Variants in PLCL1 observed in about 807,000 individuals in gnomAD.
The protein encoded by PLCL1 is phospholipase C like 1 (inactive).
Under a neutral mutation model 84.4 loss-of-function variants are expected in PLCL1, and 41 were observed. That is an observed-to-expected ratio of 0.49 (90% CI 0.38 to 0.63). The LOEUF is 0.63. PLCL1 is among the 30% of genes least tolerant of loss of function. The pLI, the probability that PLCL1 is intolerant of heterozygous loss-of-function variation, is 0.00. For synonymous variants in PLCL1, 490 were observed against 488.3 expected, an observed-to-expected ratio of 1.00 and a Z score of -0.05; for missense variants, 1,206 against 1,367.8, an observed-to-expected ratio of 0.88 and a Z score of 1.87.
intron 1 of PLCL1, among the ~76,000 whole-genome samples, chr2:197,893,479 T>C (rs1289789220): frequency 6.6e-6 from 1 of 152,212 alleles, no homozygotes; most frequent in Non-Finnish European, 1.5e-5. Flanking sequence ...TATAGCACGT[T>C]AGGGTTTATT....
At chr2:198,029,501 C>A (rs1691354932) in intron 1 of PLCL1, among the ~76,000 whole-genome samples, 2 of 152,030 alleles carry the variant, frequency 1.3e-5, no homozygotes, top group African/African-American at 2.4e-5. Context: ...TATCTCTATA[C>A]CCCGAAGAAC....
chr2:197,832,530 A>T (rs892442916), intron 1 of PLCL1, among the ~76,000 whole-genome samples: 3 of 152,232 alleles, frequency 2.0e-5, no homozygotes, highest in African/African-American at 7.2e-5. Flanking sequence ...AACCAAAAAA[A>T]GCCTAGCACC....
intron 1 of PLCL1, among the ~76,000 whole-genome samples, chr2:197,881,535 G>A (rs2217837): frequency 0.51 from 77,462 of 151,798 alleles, 20,586 homozygotes; most frequent in African/African-American, 0.64. Flanking sequence ...GTGTGTGTGT[G>A]TGTGAGCTAG....
chr2:197,961,667 G>A (rs1475738885), intron 1 of PLCL1, among the ~76,000 whole-genome samples: 1 of 151,856 alleles, frequency 6.6e-6, no homozygotes, highest in African/African-American at 2.4e-5. Context: ...GACAAAATAA[G>A]CTTAGGTCCT....
At chr2:197,838,866 AT>A (rs1349284095) in intron 1 of PLCL1, among the ~76,000 whole-genome samples, 5 of 152,186 alleles carry the variant, frequency 3.3e-5, no homozygotes, top group Non-Finnish European at 5.9e-5. Context: ...TTTCTCTCTG[AT>A]TTATCTAAAG....
chr2:197,973,262 T>G (rs1406065611), intron 1 of PLCL1, among the ~76,000 whole-genome samples: 2 of 152,224 alleles, frequency 1.3e-5, no homozygotes, highest in Non-Finnish European at 2.9e-5. Flanking sequence ...TACCACCGTC[T>G]TTCCTTATGG....
At chr2:197,977,803 T>G (rs1690018221) in intron 1 of PLCL1, among the ~76,000 whole-genome samples, 1 of 152,222 alleles carries the variant, frequency 6.6e-6, no homozygotes, top group African/African-American at 2.4e-5. Context: ...TCAGTTTTAA[T>G]TTCCATTATT....
intron 1 of PLCL1, among the ~76,000 whole-genome samples, chr2:198,020,425 TAAAAG>T (rs1691104657): frequency 6.6e-6 from 1 of 152,076 alleles, no homozygotes; most frequent in South Asian, 2.1e-4. Context: ...ATGCCCCAAT[TAAAAG>T]ACACAGACTG....
intron 1 of PLCL1, among the ~76,000 whole-genome samples, chr2:197,925,989 CA>C (rs935599513): frequency 1.1e-4 from 16 of 152,290 alleles, no homozygotes; most frequent in African/African-American, 3.8e-4. Context: ...TCCTTCTATT[CA>C]AACCATGTTT....
intron 5 of PLCL1, among the ~76,000 whole-genome samples, chr2:198,120,151 G>C (rs1291417260): frequency 2.0e-5 from 3 of 151,850 alleles, no homozygotes; most frequent in Non-Finnish European, 2.9e-5. Context: ...AACCTCTGGG[G>C]AGTTTCATTT....
intron 4 of PLCL1, among the ~76,000 whole-genome samples, chr2:198,103,049 G>A (rs1399398796): frequency 6.6e-6 from 1 of 151,982 alleles, no homozygotes; most frequent in Non-Finnish European, 1.5e-5. Flanking sequence ...TTTTAAAAAA[G>A]CCTTTTTATT....
intron 1 of PLCL1, among the ~76,000 whole-genome samples, chr2:197,943,530 A>G (rs1689206765): frequency 6.6e-6 from 1 of 151,286 alleles, no homozygotes; most frequent in Admixed American, 6.6e-5. Flanking sequence ...TTTCTATAGG[A>G]TATGTTAGGA....
chr2:198,014,377 G>A (rs190740579), intron 1 of PLCL1, among the ~76,000 whole-genome samples: 85 of 152,170 alleles, frequency 5.6e-4, no homozygotes, highest in African/African-American at 2.0e-3. Context: ...ATCAATGTGA[G>A]CTTGGTCAAG....
intron 1 of PLCL1, among the ~76,000 whole-genome samples, chr2:197,827,365 A>T (rs1011910271): frequency 6.6e-5 from 10 of 152,064 alleles, no homozygotes; most frequent in African/African-American, 2.4e-4. Context: ...TATGCATATA[A>T]ATATATATGT....
intron 1 of PLCL1, among the ~76,000 whole-genome samples, chr2:198,055,329 C>CTCTCTCTCTCTGTG (rs374518934): frequency 2.8e-4 from 31 of 112,346 alleles, no homozygotes; most frequent in East Asian, 2.0e-3. Context: ...CTCTCTCTCT[C>CTCTCTCTCTCTGTG]TGTGTGTGTG....
At position 198,147,794 on chromosome 2, in the gene PLCL1, C is replaced by T. The variant is rs779535723; in HGVS notation, c.*832C>T. The T allele has an allele frequency of 5.3e-5, 8 of 152,300 alleles. No individual in the cohort carries two copies. In the South Asian group the frequency reaches 1.7e-3, roughly 32 times the overall value. The allele number at this position is 152,300 out of a possible 1,614,324, so 9.4% of individuals were successfully genotyped here. ...TGACAATAATATTGTTGTATAATTTCGAGATTTGTAGGAAGGTCTCATTCT... is the reference window on the plus strand; with the variant it reads ...TGACAATAATATTGTTGTATAATTTTGAGATTTGTAGGAAGGTCTCATTCT... On this transcript the variant is annotated 3_prime_UTR_variant, in exon 6 of 6. Coordinates refer to ENST00000428675, the MANE Select transcript of PLCL1 (RefSeq NM_006226.4).
chr2:197,977,389 T>A (rs143685709), intron 1 of PLCL1, among the ~76,000 whole-genome samples: 42 of 151,510 alleles, frequency 2.8e-4, no homozygotes, highest in African/African-American at 1.0e-3. Flanking sequence ...AGCAGAAAAA[T>A]TGGTTTGATT....
chr2:197,974,867 C>A (rs927602027), intron 1 of PLCL1, among the ~76,000 whole-genome samples: 2 of 152,174 alleles, frequency 1.3e-5, no homozygotes, highest in African/African-American at 2.4e-5. Flanking sequence ...CTTGGCCGGG[C>A]GCAGTGGCTC....
chr2:198,066,640 C>T (rs1229128561), intron 1 of PLCL1, among the ~76,000 whole-genome samples: 1 of 152,194 alleles, frequency 6.6e-6, no homozygotes, highest in South Asian at 2.1e-4. Flanking sequence ...CTTAAAACCT[C>T]CATAGAATAA....
Sources: gnomAD v4.1 joint callset for allele counts (sites outside exome capture counted in the v4.1 genomes callset) on GRCh38, gnomAD v4.1.1 for gene constraint, MANE v1.5 for transcripts, NCBI Gene and HGNC (gene_info 2026-07-23, HGNC 2026-07-21) for gene names.